C2orf49: variants seen among roughly 807,000 people sequenced by gnomAD.
The protein encoded by C2orf49 is tRNA splicing ligase complex subunit 2, also known as tRNA-splicing ligase complex subunit ASW.
Under a neutral mutation model 20.6 loss-of-function variants are expected in C2orf49, and 11 were observed. That is an observed-to-expected ratio of 0.53 (90% CI 0.34 to 0.88). The LOEUF is 0.88. C2orf49 is among the 40% of genes least tolerant of loss of function. The pLI is 0.02. For synonymous variants in C2orf49, 134 were observed against 108.5 expected (o/e 1.24, Z -1.46); for missense variants, 289 against 274.2 (o/e 1.05, Z -0.38).
chr2:105,355,653 A>G, the C2orf49 span, among the ~76,000 whole-genome samples: 1 of 152,210 alleles, frequency 6.6e-6, no homozygotes, highest in African/African-American at 2.4e-5. Context: ...GAGTGTACTC[A>G]AGTGCACTCA....
the C2orf49 span, among the ~76,000 whole-genome samples, chr2:105,357,093 G>A: frequency 4.3e-3 from 659 of 152,048 alleles, 1 homozygote; most frequent in Middle Eastern, 0.021. Context: ...GACAACAGGC[G>A]CATGCCACTG....
At chr2:105,377,616 A>G in the C2orf49 span, 16 of 164,862 alleles carry the variant, frequency 9.7e-5, no homozygotes, top group Middle Eastern at 3.0e-3. Flanking sequence ...AGCCTGGGCA[A>G]CAAGAGTGAA....
Position 105,347,532 on chromosome 2 carries a change from A to G in C2orf49, c.*2161A>G, listed in dbSNP as rs1679844210. On this transcript the variant is annotated 3_prime_UTR_variant, in exon 4 of 4. Transcript: ENST00000258457. ...GTTGCTTCAAATTGAAGTTTATATT[A>G]TGAACATTCAGAATCAATGCTCATG... 1 of 152,232 alleles carries G rather than the reference A, an allele frequency of 6.6e-6. No individual in the cohort carries two copies. The highest frequency in any genetic ancestry group is 2.4e-5 in the African/African-American group (1 of 41,450). 9.4% of individuals were successfully genotyped at this position (152,232 alleles called of 1,614,324 possible).
the C2orf49 span, chr2:105,360,883 C>T: frequency 1.9e-5 from 3 of 158,172 alleles, no homozygotes; most frequent in East Asian, 1.9e-4. Flanking sequence ...CTTGACGCAA[C>T]GGGAGGTTAC....
chr2:105,353,751 CTG>C (rs1447850815), downstream of C2orf49, among the ~76,000 whole-genome samples: 1 of 152,166 alleles, frequency 6.6e-6, no homozygotes, highest in African/African-American at 2.4e-5. Context: ...CCCTGAGCCT[CTG>C]TAATCTATCA....
chr2:105,342,892 T>A lies in C2orf49; in HGVS notation c.311T>A (p.Phe104Tyr), dbSNP rs1679707564. 6.2e-7 allele frequency: 1 copy of A among 1,614,094 alleles called. No homozygotes were observed. The highest frequency in any genetic ancestry group is 8.5e-7 in the Non-Finnish European group (1 of 1,180,028). Residue 104 changes from phenylalanine to tyrosine, a missense_variant, in exon 3 of 4, where the codon TTT (phenylalanine) becomes TAT (tyrosine). Physicochemically the swap from Phe to Tyr is conservative, Grantham distance 22. Coordinates refer to ENST00000258457, the MANE Select transcript of C2orf49 (RefSeq NM_024093.3). Reference sequence around the variant, plus strand: ...TTAAGGAAAAGACCCCTCATCGTATTTGATGGAAGTTCAACAAGTACAAGC... The same window carrying A: ...TTAAGGAAAAGACCCCTCATCGTATATGATGGAAGTTCAACAAGTACAAGC... The part of the protein sequence containing the change: ...DGLRKRPLIV[F>Y]DGSSTSTSIK...
chr2:105,344,839 C>G (rs1353953983), intron 3 of C2orf49, among the ~76,000 whole-genome samples: 1 of 151,994 alleles, frequency 6.6e-6, no homozygotes. Flanking sequence ...ATCCACCTGA[C>G]TCGGCTGGGA....
Position 105,345,305 on chromosome 2 carries a change from T to TGTCTTTCAGAATAACCTGAAGCCCCC in C2orf49, c.643-9_659dup, listed in dbSNP as rs1239164213. On this transcript the variant is annotated splice_polypyrimidine_tract_variant and intron_variant, in intron 3 of 3. Transcript: ENST00000258457. The stretch of plus-strand genomic sequence containing the variant: ...GCAAGTATAAACTGATTTCTGTTCA[T>TGTCTTTCAGAATAACCTGAAGCCCCC]GTCTTTCAGAATAACCTGAAGCCCC... 6.2e-7 allele frequency: 1 copy of TGTCTTTCAGAATAACCTGAAGCCCCC among 1,608,902 alleles called. No homozygotes were observed. Among genetic ancestry groups the TGTCTTTCAGAATAACCTGAAGCCCCC allele is most frequent in the African/African-American group, 1.3e-5 (1 of 74,602 alleles).
the C2orf49 span, among the ~76,000 whole-genome samples, chr2:105,363,665 C>T: frequency 2.0e-5 from 3 of 152,214 alleles, no homozygotes; most frequent in Admixed American, 2.0e-4. Flanking sequence ...GTCATAGGCC[C>T]TGGCTTTCCC....
chr2:105,345,219 T>A, intron 3 of C2orf49, 96 bp from the exon 4 acceptor site: 3 of 1,069,890 alleles, frequency 2.8e-6, no homozygotes, highest in Non-Finnish European at 2.8e-6. Context: ...CTTCCATTAA[T>A]ACATTAATAG....
Position 105,342,772 on chromosome 2 carries a change from AT to A in C2orf49, c.267-72del, listed in dbSNP as rs2104449106. The A allele has an allele frequency of 4.8e-6, 7 of 1,465,090 alleles. No individual in the cohort carries two copies. In the South Asian group the frequency reaches 1.0e-4, roughly 21 times the overall value. 90.8% of individuals were successfully genotyped at this position (1,465,090 alleles called of 1,614,324 possible). A position where few individuals can be genotyped will look rare whatever the true frequency, so the allele number is the denominator to read the frequency against. ...CAGAAAATCTTTTTGTTTACTGCTT[AT>A]TTTAACTTGAATCCCAGTGAACTGG... On this transcript the variant is annotated intron_variant, in intron 2 of 3. Transcript: ENST00000258457.
chr2:105,361,151 G>A, the C2orf49 span: 3 of 899,142 alleles, frequency 3.3e-6, no homozygotes, highest in Non-Finnish European at 5.1e-6. Flanking sequence ...GCAAACGTGA[G>A]TATCACTGAA....
the C2orf49 span, among the ~76,000 whole-genome samples, chr2:105,380,208 C>T: frequency 1.3e-5 from 2 of 152,262 alleles, no homozygotes; most frequent in East Asian, 3.9e-4. Flanking sequence ...ATTTTAGCCA[C>T]ACGATTCCCT....
At chr2:105,353,457 G>C (rs1422710508), downstream of C2orf49, among the ~76,000 whole-genome samples, 1 of 151,946 alleles carries the variant, frequency 6.6e-6, no homozygotes, top group African/African-American at 2.4e-5. Context: ...ATTTTGGCAT[G>C]TATGTCACCT....
rs546265271 is a variant in C2orf49 at position 105,345,427 on chromosome 2, A to G, written c.*56A>G. The G allele has an allele frequency of 1.3e-4, 165 of 1,274,334 alleles. 2 individuals are homozygous for G. The African/African-American group carries it at 2.2e-3, about 17-fold the overall frequency. 78.9% of individuals were successfully genotyped at this position (1,274,334 alleles called of 1,614,324 possible). A position where few individuals can be genotyped will look rare whatever the true frequency, so the allele number is the denominator to read the frequency against. On this transcript the variant is annotated 3_prime_UTR_variant, in exon 4 of 4. Transcript: ENST00000258457. ...TAACTGTAGTTTTTCAAATATGTTC[A>G]TATATATTGACAATATTTACAGAAA...
At chr2:105,362,374 A>G in the C2orf49 span, among the ~76,000 whole-genome samples, 1 of 152,198 alleles carries the variant, frequency 6.6e-6, no homozygotes, top group South Asian at 2.1e-4. Context: ...CGACCTGGGA[A>G]GGTGAGTTAG....
chr2:105,343,050 A>G lies in C2orf49; in HGVS notation c.469A>G (p.Asn157Asp), dbSNP rs756943531. The G allele has an allele frequency of 4.3e-6, 7 of 1,614,122 alleles. No homozygotes were observed. The highest frequency in any genetic ancestry group is 2.7e-5 in the African/African-American group (2 of 74,934). Residue 157 changes from asparagine to aspartate, a missense_variant, in exon 3 of 4, where the codon AAT becomes GAT. Physicochemically the swap from Asn to Asp is conservative, Grantham distance 23 (BLOSUM62 1). Transcript: ENST00000258457. The part of the protein sequence containing the change: ...SSVSPLILSS[N>D]LPVNNKTEHN... ...TGTTTCACCCCTAATTTTGTCTTCCAATTTGCCTGTGAACAATAAAACGGA... is the reference window on the plus strand; with the variant it reads ...TGTTTCACCCCTAATTTTGTCTTCCGATTTGCCTGTGAACAATAAAACGGA...
At chr2:105,383,137 C>T in the C2orf49 span, among the ~76,000 whole-genome samples, 377 of 152,352 alleles carry the variant, frequency 2.5e-3, 4 homozygotes, top group African/African-American at 8.9e-3. Flanking sequence ...CCACCTGCCT[C>T]GGCCTCCCAA....
At chr2:105,362,689 G>A in the C2orf49 span, among the ~76,000 whole-genome samples, 33 of 152,206 alleles carry the variant, frequency 2.2e-4, no homozygotes, top group Non-Finnish European at 4.4e-4. Flanking sequence ...GGACTTTAGT[G>A]TGAACTCCTC....
Sources: gnomAD v4.1 joint callset for allele counts (sites outside exome capture counted in the v4.1 genomes callset) on GRCh38, gnomAD v4.1.1 for gene constraint, MANE v1.5 for transcripts, NCBI Gene and HGNC (gene_info 2026-07-23, HGNC 2026-07-21) for gene names.